RSPH14: variants seen among roughly 807,000 people sequenced by gnomAD.
The protein encoded by RSPH14 is radial spoke head 14 homolog, also known as rhabdoid tumor deletion region gene 1.
Under a neutral mutation model 26.7 loss-of-function variants are expected in RSPH14, and 20 were observed. That is an observed-to-expected ratio of 0.75 (90% CI 0.53 to 1.09). The LOEUF (loss-of-function observed/expected upper bound fraction) is 1.09. RSPH14 is among the 50% of genes least tolerant of loss of function. The pLI, the probability that RSPH14 is intolerant of heterozygous loss-of-function variation, is 0.00. For synonymous variants in RSPH14, 177 were observed against 189.3 expected, an observed-to-expected ratio of 0.93 and a Z score of 0.53; for missense variants, 449 against 457.2, an observed-to-expected ratio of 0.98 and a Z score of 0.16.
chr22:23,167,177 TG>T, the RSPH14 span, among the ~76,000 whole-genome samples: 1 of 152,062 alleles, frequency 6.6e-6, no homozygotes. Context: ...CCCTCACCCC[TG>T]GGGCTCAATG....
chr22:23,107,248 C>T (rs1278285229), intron 4 of RSPH14, among the ~76,000 whole-genome samples: 1 of 152,184 alleles, frequency 6.6e-6, no homozygotes, highest in East Asian at 1.9e-4. Flanking sequence ...TCGGCTGGAA[C>T]ACACCCCTGC....
chr22:23,130,637 A>G (rs1020689994), intron 4 of RSPH14, among the ~76,000 whole-genome samples: 2 of 152,222 alleles, frequency 1.3e-5, no homozygotes, highest in Non-Finnish European at 2.9e-5. Flanking sequence ...TTTGCAATGT[A>G]GGTAACCGAC....
chr22:23,173,325 G>A, the RSPH14 span, among the ~76,000 whole-genome samples: 2 of 152,050 alleles, frequency 1.3e-5, no homozygotes, highest in African/African-American at 2.4e-5. Context: ...TAGCAGAGAT[G>A]GGGTTTCAAC....
intron 4 of RSPH14, among the ~76,000 whole-genome samples, chr22:23,082,131 A>C (rs1011358181): frequency 3.3e-5 from 4 of 120,208 alleles, no homozygotes; most frequent in African/African-American, 1.9e-4. Flanking sequence ...CCTCAAAAAA[A>C]AAACAAAAAA....
intron 4 of RSPH14, among the ~76,000 whole-genome samples, chr22:23,099,153 G>T (rs921779744): frequency 6.6e-6 from 1 of 152,240 alleles, no homozygotes; most frequent in Admixed American, 6.5e-5. Flanking sequence ...CAGCCCCCCG[G>T]CCCACCCGCT....
intron 4 of RSPH14, among the ~76,000 whole-genome samples, chr22:23,075,531 C>G (rs1189968952): frequency 6.6e-6 from 1 of 152,198 alleles, no homozygotes; most frequent in Non-Finnish European, 1.5e-5. Flanking sequence ...AGGAAGCTGC[C>G]ACATCACAGA....
At chr22:23,171,842 C>CAAAAAAAAAAAAAAAAAA in the RSPH14 span, among the ~76,000 whole-genome samples, 1 of 30,798 alleles carries the variant, frequency 3.2e-5, no homozygotes, top group Middle Eastern at 0.012. Flanking sequence ...AACTCTGTCT[C>CAAAAAAAAAAAAAAAAAA]AAAAAAAAAA....
chr22:23,166,696 TCA>T, the RSPH14 span, among the ~76,000 whole-genome samples: 10 of 152,216 alleles, frequency 6.6e-5, no homozygotes, highest in African/African-American at 1.9e-4. Flanking sequence ...ACGGCTAGTC[TCA>T]CAGTGCAGCC....
At chr22:23,079,869 G>A (rs1813839528) in intron 4 of RSPH14, among the ~76,000 whole-genome samples, 1 of 152,160 alleles carries the variant, frequency 6.6e-6, no homozygotes, top group Admixed American at 6.5e-5. Flanking sequence ...GCATGTAGTG[G>A]ACACCACTCA....
chr22:23,174,827 G>C, the RSPH14 span, among the ~76,000 whole-genome samples: 1 of 151,928 alleles, frequency 6.6e-6, no homozygotes, highest in Non-Finnish European at 1.5e-5. Context: ...AATTAGCCAG[G>C]AATGGTGGTG....
At chr22:23,135,663 G>C (rs1029003722) in intron 3 of RSPH14, among the ~76,000 whole-genome samples, 4 of 152,192 alleles carry the variant, frequency 2.6e-5, no homozygotes, top group Non-Finnish European at 5.9e-5. Flanking sequence ...AATATGATAG[G>C]AAACACCAAC....
At chr22:23,145,187 ATC>A, upstream of RSPH14, 3 of 623,320 alleles carry the variant, frequency 4.8e-6, no homozygotes, top group Non-Finnish European at 8.4e-6. Context: ...ACCTGCGCGA[ATC>A]TCTCCACGGT....
At chr22:23,112,370 A>G (rs1000419684) in intron 4 of RSPH14, among the ~76,000 whole-genome samples, 1 of 152,072 alleles carries the variant, frequency 6.6e-6, no homozygotes, top group Non-Finnish European at 1.5e-5. Context: ...TTTGCCTCCC[A>G]AGACCGTGGG....
chr22:23,144,689 TAA>T (rs56369606), upstream of RSPH14, among the ~76,000 whole-genome samples: 27 of 136,710 alleles, frequency 2.0e-4, no homozygotes, highest in Admixed American at 1.5e-4. Flanking sequence ...TCCATCTCTT[TAA>T]AAAAAAAAAA....
chr22:23,160,883 G>A, the RSPH14 span: 2 of 1,613,408 alleles, frequency 1.2e-6, no homozygotes, highest in Non-Finnish European at 1.7e-6. Flanking sequence ...CCACAGGCGA[G>A]AACGTGAAGG....
In RSPH14 at chr22:23,063,920, C is replaced by G; in HGVS notation, c.635G>C (p.Arg212Pro). The G allele has an allele frequency of 6.2e-7, 1 of 1,614,130 alleles. No homozygotes were observed. Among genetic ancestry groups the G allele is most frequent in the Non-Finnish European group, 8.5e-7 (1 of 1,179,984 alleles). ...ANQNIRSKAARALLNVSISRE... is the reference protein window; with the variant it reads ...ANQNIRSKAAPALLNVSISRE... ...GCCTCACCTGACATTAAGGAGCGCACGGGCGGCCTTGCTGCGGATGTTCTG... is the reference window on the plus strand; with the variant it reads ...GCCTCACCTGACATTAAGGAGCGCAGGGGCGGCCTTGCTGCGGATGTTCTG... The change falls in exon 5 of 7, where the codon CGT becomes CCT. Residue 212 changes from arginine (R) to proline (P), a missense_variant. By Grantham distance (103) the Arg-to-Pro change is moderately radical. Transcript: ENST00000216036.
chr22:23,078,992 C>T (rs1168900876), intron 4 of RSPH14, among the ~76,000 whole-genome samples: 1 of 152,186 alleles, frequency 6.6e-6, no homozygotes, highest in East Asian at 1.9e-4. Flanking sequence ...CAACTATCCC[C>T]TCCGTGAGCC....
intron 4 of RSPH14, among the ~76,000 whole-genome samples, chr22:23,067,625 T>G (rs996061684): frequency 3.3e-5 from 5 of 152,186 alleles, no homozygotes; most frequent in Non-Finnish European, 5.9e-5. Flanking sequence ...GGTTAACAGC[T>G]TCTTCCTTTA....
chr22:23,165,513 G>C, the RSPH14 span, among the ~76,000 whole-genome samples: 1 of 152,204 alleles, frequency 6.6e-6, no homozygotes, highest in Non-Finnish European at 1.5e-5. Context: ...AACAGGTCTC[G>C]GGAAGGACAC....
Sources: gnomAD v4.1 joint callset for allele counts (sites outside exome capture counted in the v4.1 genomes callset) on GRCh38, gnomAD v4.1.1 for gene constraint, MANE v1.5 for transcripts, NCBI Gene and HGNC (gene_info 2026-07-23, HGNC 2026-07-21) for gene names.